The following C10orf143 variants were observed in gnomAD, a reference collection of about 807,000 sequenced individuals.
C10orf143 encodes the protein uncharacterized protein C10orf143.
At chr10:130,090,898 A>G (rs2134787607) in intron 1 of C10orf143, among the ~76,000 whole-genome samples, 1 of 152,294 alleles carries the variant, frequency 6.6e-6, no homozygotes, top group South Asian at 2.1e-4. Flanking sequence ...GCATCTCTAA[A>G]AGAAAGGCAG....
At chr10:130,093,811 C>T (rs1182994) in intron 1 of C10orf143, among the ~76,000 whole-genome samples, 87,822 of 151,724 alleles carry the variant, frequency 0.58, 26,835 homozygotes, top group Admixed American at 0.7. Flanking sequence ...AGATTGAGAT[C>T]GTCCTGGCTA....
intron 3 of C10orf143, among the ~76,000 whole-genome samples, chr10:130,053,677 C>T (rs957797351): frequency 2.0e-5 from 3 of 152,190 alleles, no homozygotes; most frequent in Non-Finnish European, 4.4e-5. Context: ...GAGGGCTCCT[C>T]GAAAGCCAGG....
intron 3 of C10orf143, among the ~76,000 whole-genome samples, chr10:130,051,229 T>A (rs1683445408): frequency 6.6e-6 from 1 of 151,778 alleles, no homozygotes; most frequent in South Asian, 2.1e-4. Context: ...TTGAGTCTCA[T>A]CTCCCTCTCC....
intron 3 of C10orf143, among the ~76,000 whole-genome samples, chr10:130,049,961 AC>A (rs2134731315): frequency 6.6e-6 from 1 of 152,336 alleles, no homozygotes; most frequent in African/African-American, 2.4e-5. Context: ...TGGCTGTAAA[AC>A]CATCGGTGAT....
intron 3 of C10orf143, among the ~76,000 whole-genome samples, chr10:130,040,515 C>T (rs892000622): frequency 6.6e-6 from 1 of 152,230 alleles, no homozygotes; most frequent in Non-Finnish European, 1.5e-5. Flanking sequence ...CTCTCCACCG[C>T]ACCCTGCAGC....
chr10:130,110,760 C>G lies in C10orf143; in HGVS notation c.13G>C (p.Ala5Pro), dbSNP rs35046218. 5.0e-6 allele frequency: 2 copies of G among 398,856 alleles called. No individual in the cohort carries two copies. Among genetic ancestry groups the G allele is most frequent in the African/African-American group, 4.1e-5 (2 of 48,642 alleles). The allele number at this position is 398,856 out of a possible 1,614,324, so 24.7% of individuals were successfully genotyped here. The change falls in exon 1 of 4, where the codon GCG becomes CCG. Residue 5 changes from alanine to proline, a missense_variant. By Grantham distance (27) the Ala-to-Pro change is conservative. Transcript: ENST00000637128. MDSL[A>P]LGRWRQRRAE... ...CTCCGCTGTCGCCAGCGGCCGAGCG[C>G]TAAGCTGTCCATGCAGCCCCAGGGT... is the stretch of plus-strand genomic sequence containing the variant.
chr10:130,091,208 G>A (rs1334643132), intron 1 of C10orf143, among the ~76,000 whole-genome samples: 1 of 152,206 alleles, frequency 6.6e-6, no homozygotes, highest in Non-Finnish European at 1.5e-5. Flanking sequence ...CTGGGACGAA[G>A]CTTCCAGAAG....
intron 1 of C10orf143, among the ~76,000 whole-genome samples, chr10:130,099,804 A>G (rs999071112): frequency 8.6e-5 from 13 of 150,564 alleles, no homozygotes; most frequent in African/African-American, 3.2e-4. Context: ...CAAGGATTAC[A>G]GCCACCACGC....
chr10:130,094,537 T>C (rs1020359010), intron 1 of C10orf143, among the ~76,000 whole-genome samples: 1 of 152,182 alleles, frequency 6.6e-6, no homozygotes, highest in Non-Finnish European at 1.5e-5. Flanking sequence ...CACAATCAAG[T>C]TGGCTTCATC....
chr10:130,097,687 G>A (rs1324208395), intron 1 of C10orf143, among the ~76,000 whole-genome samples: 4 of 152,146 alleles, frequency 2.6e-5, no homozygotes, highest in Non-Finnish European at 5.9e-5. Flanking sequence ...TGGATAAACA[G>A]AACGTGTTCT....
At chr10:130,087,476 C>A (rs1399642100) in intron 1 of C10orf143, among the ~76,000 whole-genome samples, 3 of 152,114 alleles carry the variant, frequency 2.0e-5, no homozygotes, top group African/African-American at 4.8e-5. Flanking sequence ...CTGTTTCAAA[C>A]GATGCTAAAT....
intron 1 of C10orf143, among the ~76,000 whole-genome samples, chr10:130,081,265 G>A (rs947706879): frequency 6.6e-6 from 1 of 152,076 alleles, no homozygotes; most frequent in Non-Finnish European, 1.5e-5. Flanking sequence ...ACAGTTCACA[G>A]TGAAGACATA....
At chr10:130,037,973 C>T in intron 3 of C10orf143, among the ~76,000 whole-genome samples, 1 of 152,202 alleles carries the variant, frequency 6.6e-6, no homozygotes, top group Non-Finnish European at 1.5e-5. Flanking sequence ...CAAGCTTTGT[C>T]TGCGAATACA....
intron 3 of C10orf143, among the ~76,000 whole-genome samples, chr10:130,045,779 G>T (rs1238633180): frequency 1.3e-5 from 2 of 152,178 alleles, no homozygotes; most frequent in African/African-American, 2.4e-5. Flanking sequence ...CGATTGCCTC[G>T]ACTCGAGGCT....
At position 130,106,991 on chromosome 10, in the gene C10orf143, C is replaced by A. The variant is rs1861660950; in HGVS notation, c.69+3713G>T. ...AAAAGGAGCTCTGAAGAAACTGATT[C>A]ATGCTACTAAGTTAAATGCTTCTTT... On this transcript the variant is annotated intron_variant, in intron 1 of 3. Transcript: ENST00000637128. 5.6e-6 allele frequency: 6 copies of A among 1,079,358 alleles called. No homozygotes were observed. The South Asian group carries it at 6.2e-5, about 11-fold the overall frequency. 66.9% of individuals were successfully genotyped at this position (1,079,358 alleles called of 1,614,324 possible).
At chr10:130,105,278 G>A (rs1056908205) in intron 1 of C10orf143, among the ~76,000 whole-genome samples, 14 of 152,190 alleles carry the variant, frequency 9.2e-5, no homozygotes, top group Non-Finnish European at 1.8e-4. Flanking sequence ...GTGCAGCCCT[G>A]TGGTTAAGAT....
chr10:130,100,611 T>A (rs76729924), intron 1 of C10orf143, among the ~76,000 whole-genome samples: 1 of 152,188 alleles, frequency 6.6e-6, no homozygotes, highest in African/African-American at 2.4e-5. Flanking sequence ...GTACAAAATA[T>A]TAAACAAAAC....
At chr10:130,101,871 A>C (rs1273240448) in intron 1 of C10orf143, among the ~76,000 whole-genome samples, 4 of 139,470 alleles carry the variant, frequency 2.9e-5, no homozygotes, top group African/African-American at 6.1e-5. Flanking sequence ...AAACCAAAAA[A>C]AAAAAAAAAA....
chr10:130,041,100 G>A (rs1318436460), intron 3 of C10orf143, among the ~76,000 whole-genome samples: 1 of 152,242 alleles, frequency 6.6e-6, no homozygotes, highest in African/African-American at 2.4e-5. Flanking sequence ...AAGGGCAGGT[G>A]GGTTGAATCC....
Sources: gnomAD v4.1 joint callset for allele counts (sites outside exome capture counted in the v4.1 genomes callset) on GRCh38, gnomAD v4.1.1 for gene constraint, MANE v1.5 for transcripts, NCBI Gene and HGNC (gene_info 2026-07-23, HGNC 2026-07-21) for gene names.